Variants in KANK1 observed in about 807,000 individuals in gnomAD.
The protein encoded by KANK1 is KN motif and ankyrin repeat domain-containing protein 1.
In KANK1, 109 loss-of-function variants were observed where a neutral mutation model predicts 106.2. That is an observed-to-expected ratio of 1.03 (90% confidence interval 0.88 to 1.20). The LOEUF is 1.20. KANK1 is among the 50% of genes most tolerant of loss of function. KANK1 has a pLI of 0.00. For missense variants in KANK1, 2,399 were observed against 1,710.7 expected (o/e 1.40, Z -7.10); for synonymous variants, 873 against 652.2 (o/e 1.34, Z -5.16).
intron 1 of KANK1, among the ~76,000 whole-genome samples, chr9:510,433 T>C (rs551161165): frequency 6.6e-6 from 1 of 152,342 alleles, no homozygotes; most frequent in South Asian, 2.1e-4. Flanking sequence ...GTGTTCATTC[T>C]ACAAATGCAG....
chr9:633,051 A>G (rs1836152920), intron 1 of KANK1, among the ~76,000 whole-genome samples: 1 of 151,952 alleles, frequency 6.6e-6, no homozygotes, highest in Non-Finnish European at 1.5e-5. Flanking sequence ...CCCTCCCTCC[A>G]CATCTTATGA....
intron 2 of KANK1, among the ~76,000 whole-genome samples, chr9:681,343 A>G (rs1267699202): frequency 1.3e-5 from 2 of 152,214 alleles, no homozygotes; most frequent in African/African-American, 4.8e-5. Flanking sequence ...TAGGAAGTAA[A>G]TGGTGATTGT....
At chr9:595,764 C>G (rs958875584) in intron 1 of KANK1, among the ~76,000 whole-genome samples, 5 of 151,822 alleles carry the variant, frequency 3.3e-5, no homozygotes, top group African/African-American at 1.2e-4. Flanking sequence ...TCAGGTGATC[C>G]TCCTGCATGG....
chr9:565,550 G>A (rs1422499264), intron 1 of KANK1, among the ~76,000 whole-genome samples: 1 of 152,188 alleles, frequency 6.6e-6, no homozygotes, highest in Non-Finnish European at 1.5e-5. Flanking sequence ...GGTTTTTCAA[G>A]GATAGTTCGG....
rs543678808 is a variant in KANK1, at chr9:661,838, C to A, written c.-83-15052C>A. 8.6e-5 allele frequency among the ~76,000 whole-genome samples: 13 copies of A among 151,314 alleles called. No homozygotes were observed. The South Asian group carries it at 2.7e-3, about 32-fold the overall frequency. On this transcript the variant is annotated intron_variant, in intron 1 of 11. Transcript: ENST00000382297. Reference sequence around the variant, plus strand: ...CATTCTAACTGGTGTGAGATGGTATCTCATTGTGGTTTTGATTTGCATTTC... The same window carrying A: ...CATTCTAACTGGTGTGAGATGGTATATCATTGTGGTTTTGATTTGCATTTC...
Position 640,564 on chromosome 9 carries a change from A to G in KANK1, c.-83-36326A>G, listed in dbSNP as rs572962859. On this transcript the variant is annotated intron_variant, in intron 1 of 11. Transcript: ENST00000382297. ...AGGCGCCTACCATCATGCCCAGCTA[A>G]TTTTTGTATTTTTGTACAGATGGGG... is the stretch of plus-strand genomic sequence containing the variant. 2.0e-5 allele frequency among the ~76,000 whole-genome samples: 3 copies of G among 151,704 alleles called. No individual in the cohort carries two copies. In the South Asian group the frequency reaches 6.3e-4, roughly 32 times the overall value.
At chr9:704,577 G>C (rs1214359540) in intron 2 of KANK1, among the ~76,000 whole-genome samples, 12 of 152,178 alleles carry the variant, frequency 7.9e-5, no homozygotes, top group Non-Finnish European at 1.5e-4. Context: ...ACATCAAGCT[G>C]TCTTTGCCAT....
At chr9:696,264 A>T (rs2129715873) in intron 2 of KANK1, among the ~76,000 whole-genome samples, 1 of 151,634 alleles carries the variant, frequency 6.6e-6, no homozygotes, top group South Asian at 2.1e-4. Flanking sequence ...AGCCTGGGTG[A>T]CAGAGCGAGA....
chr9:723,024 G>A (rs1035780212), intron 3 of KANK1, among the ~76,000 whole-genome samples: 1 of 152,164 alleles, frequency 6.6e-6, no homozygotes, highest in Non-Finnish European at 1.5e-5. Context: ...TAGAATTTGG[G>A]CCAAGCCTTG....
In KANK1 at chr9:738,594, C is replaced by T. The variant is rs140395684; in HGVS notation, c.3553+90C>T. 6.3e-5 allele frequency: 63 copies of T among 994,308 alleles called. No individual in the cohort carries two copies. In the East Asian group the frequency reaches 1.5e-3, roughly 24 times the overall value. The allele number at this position is 994,308 out of a possible 1,614,324, so 61.6% of individuals were successfully genotyped here. ...AACCTGGTTGAGCCACTCCTGAATT[C>T]TCTGACCATGCTAAAATCCTTTTTA... On this transcript the variant is annotated intron_variant, in intron 8 of 11. Transcript: ENST00000382297.
chr9:548,736 A>G (rs1461072071), intron 1 of KANK1, among the ~76,000 whole-genome samples: 1 of 152,176 alleles, frequency 6.6e-6, no homozygotes, highest in Non-Finnish European at 1.5e-5. Flanking sequence ...AAATTTTTTT[A>G]TCAAGATTTT....
intron 1 of KANK1, among the ~76,000 whole-genome samples, chr9:568,441 G>T (rs1483153618): frequency 1.3e-5 from 2 of 152,110 alleles, no homozygotes; most frequent in African/African-American, 4.8e-5. Flanking sequence ...GTGTAAGTCT[G>T]TGGGGTTTTT....
At chr9:582,474 C>G (rs773608603) in intron 1 of KANK1, among the ~76,000 whole-genome samples, 1 of 152,162 alleles carries the variant, frequency 6.6e-6, no homozygotes, top group African/African-American at 2.4e-5. Context: ...AGAAACTCAT[C>G]TACCAGCCTC....
At chr9:580,430 T>G (rs1371622691) in intron 1 of KANK1, among the ~76,000 whole-genome samples, 2 of 152,070 alleles carry the variant, frequency 1.3e-5, no homozygotes, top group Non-Finnish European at 2.9e-5. Flanking sequence ...CTGCTTTTAT[T>G]CTCTTATCTG....
intron 9 of KANK1, among the ~76,000 whole-genome samples, chr9:741,186 A>G (rs190332389): frequency 6.6e-6 from 1 of 152,324 alleles, no homozygotes; most frequent in East Asian, 1.9e-4. Flanking sequence ...CATAGTTTGC[A>G]TGGAAATACT....
chr9:712,922 TAGG>T lies in KANK1; in HGVS notation c.2159_2161del (p.Gly720del), dbSNP rs1243608825. ...ACTGTGGAGACGCGGACAGTAGCTG[TAGG>T]AGAAGGCCGTGTCAAGGACATCAAC... On this transcript the variant is annotated inframe_deletion, in exon 3 of 12. Coordinates refer to ENST00000382297, the MANE Select transcript of KANK1 (RefSeq NM_015158.5). The T allele has an allele frequency of 1.2e-6, 2 of 1,613,968 alleles. No individual in the cohort carries two copies. The highest frequency in any genetic ancestry group is 1.7e-6 in the Non-Finnish European group (2 of 1,180,000).
intron 1 of KANK1, among the ~76,000 whole-genome samples, chr9:646,508 T>C (rs1839699584): frequency 6.6e-6 from 1 of 150,802 alleles, no homozygotes; most frequent in South Asian, 2.1e-4. Flanking sequence ...TAATTTTCTT[T>C]TGAAAACTTT....
At chr9:592,347 G>C (rs548261660) in intron 1 of KANK1, among the ~76,000 whole-genome samples, 1 of 151,800 alleles carries the variant, frequency 6.6e-6, no homozygotes, top group Non-Finnish European at 1.5e-5. Context: ...AGCCGGGGGA[G>C]GGGGAACCAT....
At chr9:669,374 T>G (rs1051008759) in intron 1 of KANK1, among the ~76,000 whole-genome samples, 1 of 152,230 alleles carries the variant, frequency 6.6e-6, no homozygotes, top group Admixed American at 6.5e-5. Context: ...AGAACCATCT[T>G]TAACATTTCT....
Sources: gnomAD v4.1 joint callset for allele counts (sites outside exome capture counted in the v4.1 genomes callset) on GRCh38, gnomAD v4.1.1 for gene constraint, MANE v1.5 for transcripts, NCBI Gene and HGNC (gene_info 2026-07-23, HGNC 2026-07-21) for gene names.